RASGRF1: variants seen among roughly 807,000 people sequenced by gnomAD.
RASGRF1 encodes the protein Ras protein specific guanine nucleotide releasing factor 1.
RASGRF1 carries 40 observed loss-of-function variants against 138.7 expected under a neutral mutation model. The ratio of observed to expected loss-of-function variants is 0.29; its 90% CI spans 0.22 to 0.38. The LOEUF (loss-of-function observed/expected upper bound fraction) is 0.38. RASGRF1 is among the 10% of genes least tolerant of loss of function. The pLI is 1.00. For synonymous variants in RASGRF1, 614 were observed against 663.2 expected (o/e 0.93, Z 1.14); for missense variants, 1,108 against 1,650.4 (o/e 0.67, Z 5.69).
At chr15:79,080,491 A>T (rs535967399) in intron 1 of RASGRF1, among the ~76,000 whole-genome samples, 1 of 152,352 alleles carries the variant, frequency 6.6e-6, no homozygotes, top group South Asian at 2.1e-4. Flanking sequence ...AGAGGTATCT[A>T]AACAAAGTTG....
At chr15:79,017,681 C>T in intron 12 of RASGRF1, 89 bp downstream of exon 12, 2 of 1,425,116 alleles carry the variant, frequency 1.4e-6, no homozygotes, top group South Asian at 1.4e-5. Context: ...ACTCCACCAC[C>T]CCCACCCCCT....
At chr15:79,078,536 G>A (rs532260719) in intron 1 of RASGRF1, among the ~76,000 whole-genome samples, 28 of 152,222 alleles carry the variant, frequency 1.8e-4, no homozygotes, top group African/African-American at 5.3e-4. Context: ...GGCAGTCCAC[G>A]GAGCAGGAAG....
rs2140999464 is a variant in RASGRF1, at chr15:79,031,447, C to T, written c.1215G>A (p.Glu405=). ...LLAHTPHEHV[E]RNSLDYAKSK... is the part of the protein sequence containing the mutation. ...ACTTGGCGTAGTCCAGGCTGTTGCG[C>T]TCAACGTGCTCATGAGGCGTGTGGG... Residue 405 remains glutamate (E), a synonymous_variant, in exon 8 of 27, where the codon GAG becomes GAA. Transcript: ENST00000558480. 1 of 1,613,444 alleles carries T rather than the reference C, an allele frequency of 6.2e-7. No individual in the cohort carries two copies. Among genetic ancestry groups the T allele is most frequent in the Non-Finnish European group, 8.5e-7 (1 of 1,179,742 alleles).
In RASGRF1 at chr15:79,090,652, G is replaced by A. The variant is rs2058044501; in HGVS notation, c.-154C>T. ...CCAAATATCTACACTCCAGGATCTG[G>A]CGCCGAGCCGCGGCTTCTTGAATCC... On this transcript the variant is annotated 5_prime_UTR_variant, in exon 1 of 27. Transcript: ENST00000558480. The A allele has an allele frequency of 9.6e-7, 1 of 1,047,054 alleles. No individual in the cohort carries two copies. The allele number at this position is 1,047,054 out of a possible 1,614,324, so 64.9% of individuals were successfully genotyped here.
At chr15:79,064,774 T>G in intron 1 of RASGRF1, 1 of 479,512 alleles carries the variant, frequency 2.1e-6, no homozygotes, top group Non-Finnish European at 3.7e-6. Context: ...CACAAAGCCC[T>G]GTTCAACAAC....
rs2057357616 is a variant in RASGRF1, at chr15:79,046,670, G to C, written c.878+76C>G. ...TGCACTCGGTGGGAACCACGTGAGA[G>C]AGTGTGTCAAAGCTTAGCTGCGGCC... On this transcript the variant is annotated intron_variant, in intron 5 of 26. Transcript: ENST00000558480. The surrounding 1 kb of genome is among the most constrained non-coding windows in gnomAD (Gnocchi z 5.3). 1.9e-6 allele frequency: 3 copies of C among 1,582,286 alleles called. No homozygotes were observed. Among genetic ancestry groups the C allele is most frequent in the East Asian group, 2.3e-5 (1 of 44,390 alleles).
intron 5 of RASGRF1, among the ~76,000 whole-genome samples, chr15:79,037,528 G>A (rs183088498): frequency 6.6e-5 from 10 of 151,808 alleles, no homozygotes; most frequent in East Asian, 5.8e-4. Flanking sequence ...GCGCGATCTC[G>A]GCTCACTGCA....
At position 79,027,017 on chromosome 15, in the gene RASGRF1, G is replaced by A. The variant is rs1164842251; in HGVS notation, c.1381+724C>T. 1.3e-5 allele frequency among the ~76,000 whole-genome samples: 2 copies of A among 152,206 alleles called. No individual in the cohort carries two copies. The highest frequency in any genetic ancestry group is 4.8e-5 in the African/African-American group (2 of 41,460). On this transcript the variant is annotated intron_variant, in intron 9 of 26. Transcript: ENST00000558480. This position sits in a 1 kb window ranked among gnomAD's most constrained non-coding sequence, Gnocchi z 4.8. ...GCGCTGGCAAGTATTTCGTTAGGCA[G>A]AGAATCCCAGGGCTACAGAGAAGGG...
At chr15:79,007,037 T>C (rs1434851809) in intron 13 of RASGRF1, among the ~76,000 whole-genome samples, 1 of 152,184 alleles carries the variant, frequency 6.6e-6, no homozygotes, top group Non-Finnish European at 1.5e-5. Context: ...TACATGAATG[T>C]TCTTAGCAGC....
chr15:79,062,373 T>C lies in RASGRF1; in HGVS notation c.383+2047A>G, dbSNP rs186293265. Among the ~76,000 whole-genome samples the C allele has an allele frequency of 1.7e-3, 262 of 152,302 alleles. 1 individual carries two copies. Among genetic ancestry groups the C allele is most frequent in the Middle Eastern group, 0.014 (4 of 294 alleles). On this transcript the variant is annotated intron_variant, in intron 2 of 26. Transcript: ENST00000558480. The stretch of plus-strand genomic sequence containing the variant: ...CCTCTACATCATGAGCAATTTTCAA[T>C]TCAGATCATAGTTCTGATCATGCTA...
intron 21 of RASGRF1, 152 bp from the exon 22 acceptor site, chr15:78,990,425 G>A (rs1485159686): frequency 4.8e-6 from 3 of 618,896 alleles, no homozygotes; most frequent in Admixed American, 2.9e-5. Context: ...AAGGAACCTT[G>A]GGCTCAAGTC....
chr15:79,064,274 G>A, intron 2 of RASGRF1, 146 bp downstream of exon 2: 1 of 721,236 alleles, frequency 1.4e-6, no homozygotes, highest in Non-Finnish European at 2.3e-6. Context: ...GGATGTAAGG[G>A]TGGACCCTGC....
At chr15:78,965,806 G>A (rs1017914843) in intron 26 of RASGRF1, among the ~76,000 whole-genome samples, 9 of 152,188 alleles carry the variant, frequency 5.9e-5, no homozygotes, top group Admixed American at 3.3e-4. Context: ...AGCCGAGATC[G>A]CGCCACTGCA....
chr15:79,021,751 C>G (rs1431534905), intron 10 of RASGRF1, among the ~76,000 whole-genome samples: 1 of 152,168 alleles, frequency 6.6e-6, no homozygotes, highest in Non-Finnish European at 1.5e-5. Context: ...TGTCTCACTT[C>G]CCTTGTCTAT....
In RASGRF1 at chr15:79,066,665, G is replaced by T. The variant is rs889603072; in HGVS notation, c.277-2139C>A. ...GACTTCTTCCCAATCAGCCCTACTGGGTAGGGAAGCAGATGGCTCCCTGCT... is the reference window on the plus strand; with the variant it reads ...GACTTCTTCCCAATCAGCCCTACTGTGTAGGGAAGCAGATGGCTCCCTGCT... On this transcript the variant is annotated intron_variant, in intron 1 of 26. Coordinates refer to ENST00000558480, the MANE Select transcript of RASGRF1 (RefSeq NM_001145648.3). Among the ~76,000 whole-genome samples the T allele has an allele frequency of 3.3e-5, 5 of 152,318 alleles. No individual in the cohort carries two copies. The East Asian group carries it at 9.6e-4, about 29-fold the overall frequency.
At chr15:78,965,712 G>A (rs1270978905) in intron 26 of RASGRF1, among the ~76,000 whole-genome samples, 6 of 152,128 alleles carry the variant, frequency 3.9e-5, no homozygotes, top group Admixed American at 6.5e-5. Flanking sequence ...TTAGTCGGGC[G>A]TGGTGGCAGG....
At chr15:79,071,447 C>T (rs915617306) in intron 1 of RASGRF1, among the ~76,000 whole-genome samples, 1 of 151,852 alleles carries the variant, frequency 6.6e-6, no homozygotes, top group Non-Finnish European at 1.5e-5. Context: ...GCAACCTCCA[C>T]CTTCCAGGTT....
chr15:79,087,041 G>T (rs2057990180), intron 1 of RASGRF1, among the ~76,000 whole-genome samples: 2 of 152,230 alleles, frequency 1.3e-5, no homozygotes, highest in Admixed American at 1.3e-4. Context: ...ACTTCATGAG[G>T]CCTTAGGATC....
In RASGRF1 at chr15:79,032,945, G is replaced by C. The variant is rs908258136; in HGVS notation, c.959-629C>G. Among the ~76,000 whole-genome samples the C allele has an allele frequency of 6.6e-6, 1 of 152,204 alleles. No individual in the cohort carries two copies. The highest frequency in any genetic ancestry group is 2.4e-5 in the African/African-American group (1 of 41,444). ...CAGAAGTGGCCTATCTGAGGTCACA[G>C]GGCAAGTCAGCAGCCGGCCTGGGGC... On this transcript the variant is annotated intron_variant, in intron 6 of 26. Transcript: ENST00000558480. This position sits in a 1 kb window ranked among gnomAD's most constrained non-coding sequence, Gnocchi z 4.5.
Sources: allele counts gnomAD v4.1 joint callset (sites outside exome capture counted in the v4.1 genomes callset), GRCh38; gene constraint gnomAD v4.1.1; non-coding constraint Gnocchi (gnomAD v3.1); transcripts MANE v1.5; gene names NCBI Gene and HGNC (gene_info 2026-07-23, HGNC 2026-07-21).